The following AVEN variants were observed in gnomAD, a reference collection of about 807,000 sequenced individuals.
AVEN encodes apoptosis and caspase activation inhibitor, also known as cell death regulator Aven.
AVEN carries 41 observed loss-of-function variants against 38.1 expected under a neutral mutation model. The observed-to-expected ratio is 1.08, with a 90% CI of 0.84 to 1.40. AVEN has a LOEUF of 1.40. Ranked by LOEUF, AVEN falls within the 40% of genes most tolerant of loss-of-function variation. The pLI is 0.00. For missense variants in AVEN, 605 were observed against 438.8 expected (o/e 1.38, Z -3.38); for synonymous variants, 206 against 171.8 (o/e 1.20, Z -1.56).
At chr15:33,958,488 G>A (rs1481862979) in intron 2 of AVEN, among the ~76,000 whole-genome samples, 1 of 151,930 alleles carries the variant, frequency 6.6e-6, no homozygotes, top group East Asian at 1.9e-4. Context: ...CTACTCAGGT[G>A]GCTGAGGGAG....
chr15:33,867,747 TGGGCCCCCTTCCTCCAGGCCCCAA>T lies in AVEN; in HGVS notation c.697_720del (p.Leu233_Pro240del), dbSNP rs1890711646. 1.2e-6 allele frequency: 2 copies of T among 1,614,172 alleles called. 1 individual carries two copies. ...GCAGCCACAGATTTCAGCTCAAAGATGGGCCCCCTTCCTCCAGGCCCCAAGGGCCCCTTTAACTGCATCCCTAAT... is the reference window on the plus strand; with the variant it reads ...GCAGCCACAGATTTCAGCTCAAAGATGGGCCCCTTTAACTGCATCCCTAAT... On this transcript the variant is annotated inframe_deletion, in exon 5 of 6. Coordinates refer to ENST00000306730, the MANE Select transcript of AVEN (RefSeq NM_020371.3).
At chr15:33,876,555 G>C (rs1891240237) in intron 2 of AVEN, among the ~76,000 whole-genome samples, 2 of 151,888 alleles carry the variant, frequency 1.3e-5, no homozygotes, top group African/African-American at 4.8e-5. Flanking sequence ...CTGGGTGACA[G>C]AGTGAGACCC....
chr15:34,042,672 G>A (rs1899521468), upstream of AVEN, among the ~76,000 whole-genome samples: 1 of 151,664 alleles, frequency 6.6e-6, no homozygotes, highest in South Asian at 2.1e-4. Context: ...CAAAGTGCTG[G>A]GATTACAGGC....
intron 2 of AVEN, among the ~76,000 whole-genome samples, chr15:33,890,812 C>T (rs1891913141): frequency 6.6e-6 from 1 of 152,136 alleles, no homozygotes; most frequent in Non-Finnish European, 1.5e-5. Flanking sequence ...TGAACATGAC[C>T]ATTACAAAGG....
chr15:34,057,611 C>T (rs939127730), intron 5 of AVEN, among the ~76,000 whole-genome samples: 1 of 152,106 alleles, frequency 6.6e-6, no homozygotes, highest in Non-Finnish European at 1.5e-5. Flanking sequence ...ATCTGAGACT[C>T]AGGTTAAGTA....
intron 1 of AVEN, among the ~76,000 whole-genome samples, chr15:34,036,149 C>G (rs1210794773): frequency 6.6e-6 from 1 of 151,892 alleles, no homozygotes; most frequent in Non-Finnish European, 1.5e-5. Context: ...AATAATGCTT[C>G]TAGTGAGTAT....
intron 2 of AVEN, among the ~76,000 whole-genome samples, chr15:33,947,982 C>T (rs910976192): frequency 1.3e-5 from 2 of 152,136 alleles, no homozygotes; most frequent in Admixed American, 1.3e-4. Context: ...TCTTTTCAAA[C>T]TGTAAGTGTA....
At chr15:33,918,457 G>GTTTT (rs1893246469) in intron 2 of AVEN, among the ~76,000 whole-genome samples, 1 of 112,170 alleles carries the variant, frequency 8.9e-6, no homozygotes, top group African/African-American at 3.9e-5. Flanking sequence ...TTAAATTACA[G>GTTTT]CTTTTTTTTT....
intron 1 of AVEN, among the ~76,000 whole-genome samples, chr15:34,010,737 T>C (rs1897602111): frequency 6.6e-6 from 1 of 152,190 alleles, no homozygotes. Context: ...ATTACTAATG[T>C]CAAATATTCT....
At position 33,870,998 on chromosome 15, in the gene AVEN, C is replaced by G. The variant is rs1051370046; in HGVS notation, c.549G>C (p.Leu183Phe). ...NSAFYVDSEL[L>F]VRALQELPLC... The stretch of plus-strand genomic sequence containing the variant: ...GAGGCAGCTCTTGAAGGGCTCGAAC[C>G]AATAACTCACTATCCACATAAAATG... The change falls in exon 4 of 6, where the codon TTG becomes TTC. Residue 183 changes from leucine to phenylalanine, a missense_variant. Leu to Phe is a conservative substitution (Grantham distance 22). Transcript: ENST00000306730. 5.6e-6 allele frequency: 9 copies of G among 1,607,028 alleles called. No individual in the cohort carries two copies. In the Middle Eastern group the frequency reaches 6.6e-4, roughly 118 times the overall value.
chr15:33,983,512 T>C (rs994243359), intron 2 of AVEN, among the ~76,000 whole-genome samples: 2 of 152,126 alleles, frequency 1.3e-5, no homozygotes, highest in Admixed American at 6.5e-5. Context: ...TTAGTCATTA[T>C]AACTTGACCT....
At chr15:33,971,762 C>T (rs112937115) in intron 2 of AVEN, among the ~76,000 whole-genome samples, 23 of 152,058 alleles carry the variant, frequency 1.5e-4, no homozygotes, top group African/African-American at 5.3e-4. Flanking sequence ...CTTAATTCAA[C>T]TGGGCATTTC....
intron 2 of AVEN, among the ~76,000 whole-genome samples, chr15:33,937,021 C>A (rs1018722958): frequency 4.0e-5 from 6 of 150,422 alleles, no homozygotes; most frequent in African/African-American, 1.5e-4. Flanking sequence ...GTCCCAGCCA[C>A]TCGGGAGGCT....
chr15:33,974,612 C>T (rs1895794495), intron 2 of AVEN, among the ~76,000 whole-genome samples: 1 of 152,170 alleles, frequency 6.6e-6, no homozygotes, highest in Admixed American at 6.5e-5. Flanking sequence ...GCTCAGGGTA[C>T]ATGAATAATG....
downstream of AVEN, chr15:33,854,736 G>C (rs1371537745): frequency 1.9e-6 from 3 of 1,582,122 alleles, no homozygotes; most frequent in Non-Finnish European, 2.6e-6. Flanking sequence ...AGGCAAACAT[G>C]CTTAAAAGTC....
At position 33,871,442 on chromosome 15, in the gene AVEN, C is replaced by G. The variant is rs1040808854; in HGVS notation, c.517-412G>C. On this transcript the variant is annotated intron_variant, in intron 3 of 5. Coordinates refer to ENST00000306730, the MANE Select transcript of AVEN (RefSeq NM_020371.3). Reference sequence around the variant, plus strand: ...AATTAACTGGGTATGGTGGCTGATGCCTGTAATCCCAGCTACTCGGGAGGC... The same window carrying G: ...AATTAACTGGGTATGGTGGCTGATGGCTGTAATCCCAGCTACTCGGGAGGC... Among the ~76,000 whole-genome samples the G allele has an allele frequency of 2.0e-4, 31 of 152,084 alleles. 1 individual carries two copies. The highest frequency in any genetic ancestry group is 4.4e-5 in the Non-Finnish European group (3 of 68,014).
At chr15:33,957,582 GA>G (rs1472157656) in intron 2 of AVEN, among the ~76,000 whole-genome samples, 1 of 152,022 alleles carries the variant, frequency 6.6e-6, no homozygotes, top group Non-Finnish European at 1.5e-5. Flanking sequence ...TCCCAAAATT[GA>G]AACTAAATCA....
intron 2 of AVEN, among the ~76,000 whole-genome samples, chr15:33,977,944 AAAAAG>A (rs564277192): frequency 1.3e-5 from 2 of 151,906 alleles, no homozygotes; most frequent in Non-Finnish European, 2.9e-5. Flanking sequence ...AAAACAGAGA[AAAAAG>A]AAAAGAAAAG....
intron 2 of AVEN, among the ~76,000 whole-genome samples, chr15:33,977,641 T>C (rs929262449): frequency 6.6e-6 from 1 of 152,268 alleles, no homozygotes; most frequent in South Asian, 2.1e-4. Flanking sequence ...TCTATGTCTG[T>C]GAAATTTTGA....
Sources: gnomAD v4.1 joint callset for allele counts (sites outside exome capture counted in the v4.1 genomes callset) on GRCh38, gnomAD v4.1.1 for gene constraint, MANE v1.5 for transcripts, NCBI Gene and HGNC (gene_info 2026-07-23, HGNC 2026-07-21) for gene names.